The following TTC7A variants were observed in gnomAD, a reference collection of about 807,000 sequenced individuals.
The protein encoded by TTC7A is tetratricopeptide repeat protein 7A.
TTC7A carries 110 observed loss-of-function variants against 103.7 expected under a neutral mutation model. That is an observed-to-expected ratio of 1.06 (90% CI 0.91 to 1.24). TTC7A has a LOEUF of 1.24. Ranked by LOEUF, TTC7A falls within the 50% of genes most tolerant of loss-of-function variation. The probability of loss-of-function intolerance (pLI) is 0.00; values close to 1 mark genes in which losing one functional copy is unlikely to be tolerated. For missense variants in TTC7A, 1,340 were observed against 1,116.3 expected, an observed-to-expected ratio of 1.20 and a Z score of -2.86; for synonymous variants, 521 against 467.9, an observed-to-expected ratio of 1.11 and a Z score of -1.47.
chr2:46,997,081 C>T (rs932066747), intron 8 of TTC7A, among the ~76,000 whole-genome samples: 9 of 152,164 alleles, frequency 5.9e-5, no homozygotes, highest in Non-Finnish European at 8.8e-5. Context: ...CAGGTTAAAG[C>T]GATTCTTCTG....
intron 2 of TTC7A, among the ~76,000 whole-genome samples, chr2:46,918,186 G>A (rs1469835615): frequency 2.0e-5 from 3 of 151,926 alleles, no homozygotes; most frequent in Non-Finnish European, 2.9e-5. Context: ...CCCCAAACCT[G>A]CACCTCTCTC....
intron 3 of TTC7A, among the ~76,000 whole-genome samples, chr2:46,969,996 C>CT (rs1475897296): frequency 3.3e-5 from 5 of 151,922 alleles, no homozygotes; most frequent in East Asian, 3.9e-4. Flanking sequence ...TTGCTTTGAG[C>CT]TTTTTTTTAA....
chr2:47,037,263 TCTC>T (rs1457793863), intron 15 of TTC7A, among the ~76,000 whole-genome samples: 1 of 152,102 alleles, frequency 6.6e-6, no homozygotes, highest in Admixed American at 6.6e-5. Flanking sequence ...GAGACTGGCC[TCTC>T]CTCTGCCTGC....
At chr2:47,009,886 GTTTT>G (rs34401578) in intron 10 of TTC7A, among the ~76,000 whole-genome samples, 6 of 93,504 alleles carry the variant, frequency 6.4e-5, no homozygotes, top group Admixed American at 6.3e-4. Flanking sequence ...GTGTGTGTGT[GTTTT>G]TTTTTTTTTT....
intron 8 of TTC7A, among the ~76,000 whole-genome samples, chr2:46,997,805 T>C (rs1442804896): frequency 6.6e-6 from 1 of 152,150 alleles, no homozygotes; most frequent in African/African-American, 2.4e-5. Context: ...GGAGTGAAGC[T>C]GAGCTCTGTC....
At chr2:47,008,518 G>C (rs547306333) in intron 10 of TTC7A, among the ~76,000 whole-genome samples, 138 of 152,324 alleles carry the variant, frequency 9.1e-4, no homozygotes, top group African/African-American at 3.1e-3. Context: ...GGTGGCCCCG[G>C]GAGTGGGCTT....
chr2:46,991,688 G>A (rs1675650458), intron 5 of TTC7A, among the ~76,000 whole-genome samples: 1 of 152,124 alleles, frequency 6.6e-6, no homozygotes, highest in African/African-American at 2.4e-5. Flanking sequence ...ACTAATAGTG[G>A]TAAACATGGT....
In TTC7A at chr2:47,054,877, AG is replaced by A. The variant is rs553418793; in HGVS notation, c.2152+3001del. 1.1e-3 allele frequency among the ~76,000 whole-genome samples: 161 copies of A among 151,968 alleles called. 1 individual carries two copies. The highest frequency in any genetic ancestry group is 3.6e-3 in the African/African-American group (151 of 41,404). On this transcript the variant is annotated intron_variant, in intron 18 of 19. Coordinates refer to ENST00000319190, the MANE Select transcript of TTC7A (RefSeq NM_020458.4). ...TCAGGGGATCTATCCTGCTAGAAGA[AG>A]GGGAGAATACACTGGTGACTGGTGC... is the stretch of plus-strand genomic sequence containing the variant.
At position 47,010,949 on chromosome 2, in the gene TTC7A, C is replaced by T. The variant is rs373665239; in HGVS notation, c.1288-382C>T. ...TCCTGAGTTCAAGTGATCTGCCTGC[C>T]TCGGTCTCCCAAAGTGCTGGGATTG... On this transcript the variant is annotated intron_variant, in intron 10 of 19. Coordinates refer to ENST00000319190, the MANE Select transcript of TTC7A (RefSeq NM_020458.4). Among the ~76,000 whole-genome samples the T allele has an allele frequency of 5.3e-5, 8 of 152,188 alleles. No individual in the cohort carries two copies. The East Asian group carries it at 7.7e-4, about 15-fold the overall frequency.
At chr2:47,071,781 C>A (rs1684747557) in intron 19 of TTC7A, among the ~76,000 whole-genome samples, 1 of 152,198 alleles carries the variant, frequency 6.6e-6, no homozygotes. Context: ...TGGCCCCTTC[C>A]CAAACACCCA....
chr2:47,019,170 C>CT (rs1679008948), intron 11 of TTC7A, among the ~76,000 whole-genome samples: 1 of 152,160 alleles, frequency 6.6e-6, no homozygotes, highest in Non-Finnish European at 1.5e-5. Flanking sequence ...ATTGATCATA[C>CT]TTTTTTTCCT....
upstream of TTC7A, among the ~76,000 whole-genome samples, chr2:46,937,339 C>T (rs928436177): frequency 6.6e-6 from 1 of 152,146 alleles, no homozygotes; most frequent in African/African-American, 2.4e-5. This position sits in a 1 kb window ranked among gnomAD's most constrained non-coding sequence, Gnocchi z 4.0. Context: ...ACTCCCCTTT[C>T]CTCCTGGCTG....
chr2:47,024,348 C>T lies in TTC7A; in HGVS notation c.1630C>T (p.Leu544Phe). The T allele has an allele frequency of 6.2e-7, 1 of 1,606,400 alleles. No homozygotes were observed. The highest frequency in any genetic ancestry group is 8.5e-7 in the Non-Finnish European group (1 of 1,176,614). ...VILYVSLQLA[L>F]VRQISSAMEQ... ...CCTCTATGTCTCGCTGCAGCTGGCC[C>T]TCGTCCGACAGGTGGGTTGTCCGTG... Residue 544 changes from leucine to phenylalanine, a missense_variant, in exon 14 of 20, where the codon CTC becomes TTC. Leu to Phe is a conservative substitution (Grantham distance 22, BLOSUM62 0). Coordinates refer to ENST00000319190, the MANE Select transcript of TTC7A (RefSeq NM_020458.4).
At position 46,941,828 on chromosome 2, in the gene TTC7A, G is replaced by C. The variant is rs1670429608; in HGVS notation, c.184+103G>C. 8.3e-6 allele frequency: 12 copies of C among 1,440,340 alleles called. No individual in the cohort carries two copies. Among genetic ancestry groups the C allele is most frequent in the Middle Eastern group, 2.4e-4 (1 of 4,110 alleles). The allele number at this position is 1,440,340 out of a possible 1,614,324, so 89.2% of individuals were successfully genotyped here. On this transcript the variant is annotated intron_variant, in intron 1 of 19. Transcript: ENST00000319190. The surrounding 1 kb of genome is among the most constrained non-coding windows in gnomAD (Gnocchi z 4.2). Reference sequence around the variant, plus strand: ...AGTCCTCGGCCGACAGCGGGCGCCTGCCAGCCCACCGTGCTAGTCTTAAGA... The same window carrying C: ...AGTCCTCGGCCGACAGCGGGCGCCTCCCAGCCCACCGTGCTAGTCTTAAGA...
chr2:46,993,955 T>C (rs565244812), intron 6 of TTC7A, among the ~76,000 whole-genome samples: 8 of 152,330 alleles, frequency 5.3e-5, no homozygotes, highest in Admixed American at 4.6e-4. Flanking sequence ...TCTTATGCTA[T>C]AATTCTCCAT....
intron 2 of TTC7A, among the ~76,000 whole-genome samples, chr2:46,931,092 T>G (rs1012901165): frequency 2.0e-4 from 30 of 152,218 alleles, no homozygotes; most frequent in Non-Finnish European, 5.9e-5. Context: ...TTGATCAATG[T>G]GATAGACAGA....
chr2:46,978,923 T>C lies in TTC7A; in HGVS notation c.764+16T>C, dbSNP rs957545781. 4 of 1,579,692 alleles carry C rather than the reference T, an allele frequency of 2.5e-6. No individual in the cohort carries two copies. The highest frequency in any genetic ancestry group is 3.3e-5 in the Admixed American group (2 of 59,890). The stretch of plus-strand genomic sequence containing the variant: ...TGAAGAAGGGGTAGGTCACTGGTAG[T>C]TGAGTGAGTGGGAGAACGATTCCCC... On this transcript the variant is annotated intron_variant, in intron 5 of 19. Transcript: ENST00000319190.
At chr2:47,046,282 G>A in intron 15 of TTC7A, 33 bp from the exon 16 acceptor site, 1 of 1,564,930 alleles carries the variant, frequency 6.4e-7, no homozygotes, top group Non-Finnish European at 8.8e-7. Context: ...GCCCTTGCTG[G>A]GGTGTGCTGA....
intron 15 of TTC7A, 145 bp downstream of exon 15, chr2:47,029,529 G>C (rs1680293891): frequency 2.1e-6 from 2 of 965,386 alleles, no homozygotes; most frequent in Non-Finnish European, 3.1e-6. Context: ...GGAGAGACAG[G>C]GGTGAGGACA....
Sources: allele counts gnomAD v4.1 joint callset (sites outside exome capture counted in the v4.1 genomes callset), GRCh38; gene constraint gnomAD v4.1.1; non-coding constraint Gnocchi (gnomAD v3.1); transcripts MANE v1.5; gene names NCBI Gene and HGNC (gene_info 2026-07-23, HGNC 2026-07-21).